Variants in B4GALT6 observed in about 807,000 individuals in gnomAD.
B4GALT6 encodes UDP-Gal:beta-GlcNAc beta-1,4-galactosyltransferase 6.
In B4GALT6, 14 loss-of-function variants were observed where a neutral mutation model predicts 46.3. That is an observed-to-expected ratio of 0.30 (90% confidence interval 0.20 to 0.47). The LOEUF (loss-of-function observed/expected upper bound fraction) is 0.47, where lower values mean the gene tolerates loss of function less well. Ranked by LOEUF, B4GALT6 falls within the 20% of genes least tolerant of loss-of-function variation. The probability of loss-of-function intolerance (pLI) is 0.99; values close to 1 mark genes in which losing one functional copy is unlikely to be tolerated. For synonymous variants in B4GALT6, 168 were observed against 162.0 expected, an observed-to-expected ratio of 1.04 and a Z score of -0.28; for missense variants, 386 against 480.1, an observed-to-expected ratio of 0.80 and a Z score of 1.83.
chr18:31,640,942 A>G (rs762959176), intron 4 of B4GALT6, among the ~76,000 whole-genome samples: 2 of 152,258 alleles, frequency 1.3e-5, no homozygotes, highest in Non-Finnish European at 2.9e-5. Flanking sequence ...TGGTGAGTAC[A>G]TATCCCACCA....
At chr18:31,666,152 C>A in intron 2 of B4GALT6, 104 bp downstream of exon 2, 1 of 579,386 alleles carries the variant, frequency 1.7e-6, no homozygotes, top group Non-Finnish European at 3.1e-6. Context: ...GGGGAAGATA[C>A]CTTCTTCATC....
intron 3 of B4GALT6, among the ~76,000 whole-genome samples, chr18:31,653,429 T>A (rs1354323432): frequency 7.1e-6 from 1 of 140,630 alleles, no homozygotes; most frequent in East Asian, 2.2e-4. Flanking sequence ...ATTCATAACC[T>A]TTTTTCTTTT....
At chr18:31,652,474 G>C (rs904219762) in intron 3 of B4GALT6, among the ~76,000 whole-genome samples, 1 of 151,868 alleles carries the variant, frequency 6.6e-6, no homozygotes, top group Admixed American at 6.6e-5. Context: ...CCCTTCTTCT[G>C]TTAACCGCCA....
At chr18:31,666,463 T>A (rs1269024934) in intron 1 of B4GALT6, 91 bp from the exon 2 acceptor site, 5 of 489,788 alleles carry the variant, frequency 1.0e-5, no homozygotes, top group Non-Finnish European at 1.7e-5. Context: ...AAGTGCCCAA[T>A]AAACATAAAC....
chr18:31,632,538 G>A (rs1214340488), intron 5 of B4GALT6, among the ~76,000 whole-genome samples: 1 of 152,136 alleles, frequency 6.6e-6, no homozygotes, highest in Non-Finnish European at 1.5e-5. Flanking sequence ...TTGAGGAAAT[G>A]AGAGTTCTGA....
intron 1 of B4GALT6, among the ~76,000 whole-genome samples, chr18:31,676,195 G>A (rs1390530631): frequency 6.6e-6 from 1 of 152,024 alleles, no homozygotes; most frequent in East Asian, 1.9e-4. Flanking sequence ...TTATCAGGAA[G>A]GCAATACACG....
chr18:31,638,254 A>G (rs2073885433), intron 5 of B4GALT6, among the ~76,000 whole-genome samples: 1 of 152,190 alleles, frequency 6.6e-6, no homozygotes, highest in Non-Finnish European at 1.5e-5. Flanking sequence ...TTGGCCGGGC[A>G]CAGTGGCTCA....
rs553032001 is a variant in B4GALT6, at chr18:31,644,780, G to GA, written c.471+574dup. ...AGAATTCTGACATATCAAAAAGACT[G>GA]AAAGAAAGCTTGGGCTGTGCCTTCT... On this transcript the variant is annotated intron_variant, in intron 4 of 8. Transcript: ENST00000306851. Among the ~76,000 whole-genome samples the GA allele has an allele frequency of 3.3e-5, 5 of 152,320 alleles. No homozygotes were observed. The East Asian group carries it at 7.7e-4, about 23-fold the overall frequency.
At chr18:31,723,385 G>T in the B4GALT6 span, among the ~76,000 whole-genome samples, 16 of 152,098 alleles carry the variant, frequency 1.1e-4, no homozygotes, top group Non-Finnish European at 2.4e-4. Context: ...AGTTATAGTC[G>T]CATTTCAGAA....
intron 2 of B4GALT6, 114 bp from the exon 3 acceptor site, chr18:31,658,203 T>C (rs2074167557): frequency 1.4e-6 from 1 of 715,324 alleles, no homozygotes; most frequent in Non-Finnish European, 2.3e-6. Context: ...TCTACAGAAG[T>C]ACTTAAAATC....
At position 31,623,110 on chromosome 18, in the gene B4GALT6, C is replaced by A. The variant is rs920197669; in HGVS notation, c.*2504G>T. ...CCTTCCATAGACATACCTAGCATTG[C>A]ACTGGATATGGAATAGGCAATCAAT... On this transcript the variant is annotated 3_prime_UTR_variant, in exon 9 of 9. Coordinates refer to ENST00000306851, the MANE Select transcript of B4GALT6 (RefSeq NM_004775.5). The A allele has an allele frequency of 2.0e-5, 3 of 152,010 alleles. No homozygotes were observed. Among genetic ancestry groups the A allele is most frequent in the African/African-American group, 7.2e-5 (3 of 41,430 alleles). The allele number at this position is 152,010 out of a possible 1,614,324, so 9.4% of individuals were successfully genotyped here.
chr18:31,722,155 T>C, the B4GALT6 span, among the ~76,000 whole-genome samples: 1 of 151,866 alleles, frequency 6.6e-6, no homozygotes. Flanking sequence ...TTTGCAACCA[T>C]AAACAAAAAA....
At chr18:31,689,647 G>A (rs1446134403), upstream of B4GALT6, among the ~76,000 whole-genome samples, 1 of 152,104 alleles carries the variant, frequency 6.6e-6, no homozygotes, top group Non-Finnish European at 1.5e-5. Flanking sequence ...GGGAGGCTGA[G>A]GCAGGAGAAT....
Position 31,684,346 on chromosome 18 carries a change from G to A in B4GALT6, c.81C>T (p.Ser27=), listed in dbSNP as rs1162291429. ...AFIFFFSLSS[S]CLYFIYVAPG... ...GGGCCACATAGATGAAGTACAGACA[G>A]GACGAAGAGAGGGAGAAGAAGAAGA... The change falls in exon 1 of 9, where the codon TCC becomes TCT. Residue 27 remains serine (S), a synonymous_variant. Coordinates refer to ENST00000306851, the MANE Select transcript of B4GALT6 (RefSeq NM_004775.5). The A allele has an allele frequency of 1.2e-6, 2 of 1,613,828 alleles. No homozygotes were observed. Among genetic ancestry groups the A allele is most frequent in the East Asian group, 2.2e-5 (1 of 44,824 alleles).
intron 4 of B4GALT6, among the ~76,000 whole-genome samples, chr18:31,642,319 G>A (rs896655363): frequency 7.2e-5 from 11 of 152,008 alleles, no homozygotes; most frequent in Admixed American, 1.3e-4. Context: ...CTGGGATTAC[G>A]GGTTTGAACT....
rs184255285 is a variant in B4GALT6, at chr18:31,647,494, C to A, written c.347-2015G>T. Reference sequence around the variant, plus strand: ...CCTCCCCCACCCCATCCACACCCCTCAGAGTCCATCAGGAGCTTTCCTATG... The same window carrying A: ...CCTCCCCCACCCCATCCACACCCCTAAGAGTCCATCAGGAGCTTTCCTATG... On this transcript the variant is annotated intron_variant, in intron 3 of 8. Coordinates refer to ENST00000306851, the MANE Select transcript of B4GALT6 (RefSeq NM_004775.5). 4.1e-4 allele frequency among the ~76,000 whole-genome samples: 62 copies of A among 152,326 alleles called. No homozygotes were observed. The Middle Eastern group carries it at 0.014, about 33-fold the overall frequency.
At chr18:31,645,886 T>G (rs946175229) in intron 3 of B4GALT6, among the ~76,000 whole-genome samples, 2 of 152,176 alleles carry the variant, frequency 1.3e-5, no homozygotes, top group Non-Finnish European at 2.9e-5. Context: ...TACTTAACAA[T>G]GAAATAAGCA....
rs1757633018 is a variant in B4GALT6 at position 31,625,652 on chromosome 18, T to G, written c.1111A>C (p.Asn371His). ...VDRLYTNISV[N>H]LMPELAPIED... is the part of the protein sequence containing the mutation. ...ATTGGAGCTAACTCTGGCATGAGGT[T>G]TACAGATATGTTTGTATACAACCTA... The change falls in exon 9 of 9, where the codon AAC becomes CAC. Residue 371 changes from asparagine to histidine, a missense_variant. Around this residue, in one of 2 missense-constraint regions of B4GALT6, gnomAD observed 323 missense variants for 438.9 expected, o/e 0.74. Coordinates refer to ENST00000306851, the MANE Select transcript of B4GALT6 (RefSeq NM_004775.5). 1 of 1,613,462 alleles carries G rather than the reference T, an allele frequency of 6.2e-7. No individual in the cohort carries two copies. The highest frequency in any genetic ancestry group is 1.3e-5 in the African/African-American group (1 of 74,888).
intron 2 of B4GALT6, among the ~76,000 whole-genome samples, chr18:31,661,586 G>A (rs1418339091): frequency 6.6e-6 from 1 of 151,828 alleles, no homozygotes; most frequent in Non-Finnish European, 1.5e-5. Context: ...AGCTTTTGTT[G>A]CACATACCAC....
Sources: gnomAD v4.1 joint callset for allele counts (sites outside exome capture counted in the v4.1 genomes callset) on GRCh38, gnomAD v4.1.1 for gene constraint, gnomAD v4.1.1 regional missense constraint, MANE v1.5 for transcripts, NCBI Gene and HGNC (gene_info 2026-07-23, HGNC 2026-07-21) for gene names.